TSKS: variants seen among roughly 807,000 people sequenced by gnomAD.
TSKS encodes the protein testis specific serine kinase substrate, also known as testis-specific serine kinase substrate.
TSKS carries 27 observed loss-of-function variants against 68.0 expected under a neutral mutation model. The observed-to-expected ratio is 0.40, with a 90% confidence interval of 0.29 to 0.55. The LOEUF is 0.55. Ranked by LOEUF, TSKS falls within the 20% of genes least tolerant of loss-of-function variation. The pLI, the probability that TSKS is intolerant of heterozygous loss-of-function variation, is 0.53. For missense variants in TSKS, 806 were observed against 776.0 expected, an observed-to-expected ratio of 1.04 and a Z score of -0.46; for synonymous variants, 331 against 340.4, an observed-to-expected ratio of 0.97 and a Z score of 0.30.
At chr19:49,748,048 C>T (rs2084317386) in intron 4 of TSKS, 37 bp downstream of exon 4, 2 of 1,592,262 alleles carry the variant, frequency 1.3e-6, no homozygotes, top group East Asian at 2.2e-5. Context: ...ACTCCCATTC[C>T]CCTCTCCCCA....
intron 4 of TSKS, 21 bp downstream of exon 4, chr19:49,748,064 T>A (rs1256041443): frequency 6.2e-7 from 1 of 1,611,840 alleles, no homozygotes; most frequent in South Asian, 1.1e-5. Flanking sequence ...CCCCATCCAT[T>A]CCTGCGTCCC....
At position 49,763,056 on chromosome 19, in the gene TSKS, T is replaced by C; in HGVS notation, c.170+22A>G. The C allele has an allele frequency of 6.2e-7, 1 of 1,606,814 alleles. No individual in the cohort carries two copies. The highest frequency in any genetic ancestry group is 8.5e-7 in the Non-Finnish European group (1 of 1,176,260). On this transcript the variant is annotated intron_variant, in intron 1 of 10. Transcript: ENST00000246801. This position sits in a 1 kb window ranked among gnomAD's most constrained non-coding sequence, Gnocchi z 4.5. ...TAGTGCTGGGCATTAGAACCATCCC[T>C]GACAGTGTGCAACAAACCCACCCGT...
In TSKS at chr19:49,740,413, C is replaced by T. The variant is rs115153765; in HGVS notation, c.1498-230G>A. 1,705 of 550,212 alleles carry T rather than the reference C, an allele frequency of 3.1e-3. 18 individuals carry two copies. The highest frequency in any genetic ancestry group is 0.023 in the African/African-American group (1,249 of 53,178). 34.1% of individuals were successfully genotyped at this position (550,212 alleles called of 1,614,324 possible). The stretch of plus-strand genomic sequence containing the variant: ...CTGTCCTATTGTCTGTCCCATGATG[C>T]ACTGACCTATGTCCCAGCAAGCACT... On this transcript the variant is annotated intron_variant, in intron 9 of 10. Transcript: ENST00000246801.
chr19:49,747,741 C>T (rs2084314830), intron 4 of TSKS, among the ~76,000 whole-genome samples: 1 of 152,184 alleles, frequency 6.6e-6, no homozygotes, highest in Non-Finnish European at 1.5e-5. Context: ...CTGAGTCTCG[C>T]TCTGTCGGCC....
intron 2 of TSKS, among the ~76,000 whole-genome samples, chr19:49,750,734 G>A (rs1252510435): frequency 1.3e-5 from 2 of 152,162 alleles, no homozygotes; most frequent in African/African-American, 4.8e-5. Context: ...GCAGTGGCGA[G>A]AGCAACTGTC....
chr19:49,751,372 A>C (rs1017602930), intron 2 of TSKS, among the ~76,000 whole-genome samples: 1 of 152,024 alleles, frequency 6.6e-6, no homozygotes, highest in Non-Finnish European at 1.5e-5. Context: ...AAAAACTAAC[A>C]AAAACCATAA....
chr19:49,745,386 A>G lies in TSKS; in HGVS notation c.1003T>C (p.Ser335Pro), dbSNP rs1308707739. ...TGATGCCACCGGGCGGTCAGTGAGG[A>G]CACCTCTCTCCTGGAGGGGCAGAGG... is the stretch of plus-strand genomic sequence containing the variant. Reference protein sequence around the residue: ...TGIEELRREVSSLTARWHQEE... With the variant: ...TGIEELRREVPSLTARWHQEE... Residue 335 changes from serine to proline, a missense_variant, in exon 7 of 11, where the codon TCC becomes CCC. By Grantham distance (74) the Ser-to-Pro change is moderately conservative (BLOSUM62 -1). Transcript: ENST00000246801. The G allele has an allele frequency of 6.4e-7, 1 of 1,565,886 alleles. No homozygotes were observed. The highest frequency in any genetic ancestry group is 2.3e-5 in the East Asian group (1 of 43,188).
intron 2 of TSKS, among the ~76,000 whole-genome samples, chr19:49,761,651 G>T (rs2084441206): frequency 6.6e-6 from 1 of 152,178 alleles, no homozygotes; most frequent in South Asian, 2.1e-4. Context: ...GGGGACATTT[G>T]GGAGTGACTG....
intron 2 of TSKS, among the ~76,000 whole-genome samples, chr19:49,751,899 CA>C (rs61310693): frequency 0.23 from 9,415 of 41,838 alleles, 180 homozygotes; most frequent in African/African-American, 0.28. Context: ...CCCAACTCTA[CA>C]AAAAAAAAAA....
intron 9 of TSKS, 135 bp downstream of exon 9, chr19:49,741,750 C>G (rs1381564665): frequency 1.6e-6 from 2 of 1,237,260 alleles, no homozygotes. Flanking sequence ...CCAAGTCCTC[C>G]CCCAGTGCCT....
chr19:49,746,748 C>T lies in TSKS; in HGVS notation c.714G>A (p.Arg238=). 6.2e-7 allele frequency: 1 copy of T among 1,601,608 alleles called. No individual in the cohort carries two copies. ...QQQLQDETPR[R]QEAELQEPEE... The stretch of plus-strand genomic sequence containing the variant: ...CCGGCTCCTGCAGCTCGGCCTCCTG[C>T]CGTCGCGGCGTCTCATCCTGCAGCT... The change falls in exon 6 of 11, where the codon CGG becomes CGA. Residue 238 remains arginine (R), a synonymous_variant. Transcript: ENST00000246801.
chr19:49,747,546 T>G (rs1334933666), intron 4 of TSKS, 74 bp from the exon 5 acceptor site: 1 of 1,499,212 alleles, frequency 6.7e-7, no homozygotes, highest in Non-Finnish European at 9.3e-7. Flanking sequence ...CCTGTCTGTT[T>G]CCATCCAGGC....
At chr19:49,753,764 AAAAT>A (rs921041617) in intron 2 of TSKS, among the ~76,000 whole-genome samples, 8 of 150,456 alleles carry the variant, frequency 5.3e-5, no homozygotes, top group South Asian at 2.1e-4. Context: ...AATAATAATA[AAAAT>A]AAATAAATAA....
intron 1 of TSKS, among the ~76,000 whole-genome samples, 185 bp from the exon 2 acceptor site, chr19:49,762,417 C>T (rs1294834488): frequency 7.1e-6 from 1 of 141,568 alleles, no homozygotes; most frequent in Non-Finnish European, 1.5e-5. Context: ...TTTCTTTTTT[C>T]TTTCTTTCTT....
intron 2 of TSKS, among the ~76,000 whole-genome samples, chr19:49,755,011 C>T (rs1481975255): frequency 3.9e-5 from 6 of 152,040 alleles, no homozygotes; most frequent in African/African-American, 7.2e-5. Flanking sequence ...GCAGCAGAAT[C>T]GCTTGAACCC....
At chr19:49,745,854 C>T (rs933822313) in intron 6 of TSKS, among the ~76,000 whole-genome samples, 3 of 152,220 alleles carry the variant, frequency 2.0e-5, no homozygotes, top group African/African-American at 7.2e-5. Context: ...GGCACTCCCT[C>T]CTCTGCTCTT....
chr19:49,743,219 C>A (rs1216051376), intron 8 of TSKS, among the ~76,000 whole-genome samples: 1 of 151,660 alleles, frequency 6.6e-6, no homozygotes, highest in African/African-American at 2.4e-5. Context: ...GCTGGGATTA[C>A]AGGTGCTCAC....
chr19:49,758,080 GGGTCTCTGTCCTCCTCTCTCTT>G (rs2084407639), intron 2 of TSKS, among the ~76,000 whole-genome samples: 1 of 133,510 alleles, frequency 7.5e-6, no homozygotes, highest in African/African-American at 3.3e-5. Flanking sequence ...CTCTCTCTCT[GGGTCTCTGTCCTCCTCTCTCTT>G]GGTCTCTGTC....
intron 7 of TSKS, 150 bp downstream of exon 7, chr19:49,745,052 G>A (rs1259826680): frequency 1.2e-5 from 9 of 731,902 alleles, no homozygotes; most frequent in African/African-American, 9.0e-5. Flanking sequence ...AACCCTTCCT[G>A]CTCTCTAATT....
Sources: gnomAD v4.1 joint callset for allele counts (sites outside exome capture counted in the v4.1 genomes callset) on GRCh38, gnomAD v4.1.1 for gene constraint, Gnocchi (gnomAD v3.1) non-coding constraint, MANE v1.5 for transcripts, NCBI Gene and HGNC (gene_info 2026-07-23, HGNC 2026-07-21) for gene names.